HMGXB4: variants seen among roughly 807,000 people sequenced by gnomAD.
HMGXB4 encodes the protein HMG-box containing 4, also known as HMG domain-containing protein 4.
Under a neutral mutation model 63.9 loss-of-function variants are expected in HMGXB4, and 27 were observed. The ratio of observed to expected loss-of-function variants is 0.42; its 90% CI spans 0.31 to 0.58. HMGXB4 has a LOEUF of 0.58. Among genes scored for constraint, HMGXB4 ranks in the 20% least tolerant of loss-of-function variants. HMGXB4 has a pLI of 0.13. For synonymous variants in HMGXB4, 264 were observed against 265.3 expected (o/e 0.99, Z 0.05); for missense variants, 624 against 700.7 (o/e 0.89, Z 1.24).
chr22:35,292,052 TC>T lies in HMGXB4; in HGVS notation c.1639-938del, dbSNP rs764458578. Among the ~76,000 whole-genome samples the T allele has an allele frequency of 3.1e-4, 47 of 152,278 alleles. No individual in the cohort carries two copies. The South Asian group carries it at 5.6e-3, about 18-fold the overall frequency. ...TAGATTTGCATGGGAAGGTTATTCT[TC>T]CTTACAGGAAGTTGAGATGGAGAAA... On this transcript the variant is annotated intron_variant, in intron 9 of 10. Coordinates refer to ENST00000216106, the MANE Select transcript of HMGXB4 (RefSeq NM_001003681.3).
chr22:35,279,489 A>G (rs4254590), intron 5 of HMGXB4, among the ~76,000 whole-genome samples: 75,642 of 151,798 alleles, frequency 0.5, 22,370 homozygotes, highest in Non-Finnish European at 0.65. Flanking sequence ...AATTTTAATG[A>G]ACCCCAGTTT....
upstream of HMGXB4, among the ~76,000 whole-genome samples, chr22:35,255,360 CA>C (rs920047964): frequency 2.6e-5 from 4 of 151,868 alleles, no homozygotes; most frequent in African/African-American, 9.7e-5. Context: ...ACAAAAAATA[CA>C]AAAAGTACCT....
At chr22:35,246,534 A>G in the HMGXB4 span, among the ~76,000 whole-genome samples, 1 of 152,028 alleles carries the variant, frequency 6.6e-6, no homozygotes, top group Non-Finnish European at 1.5e-5. Flanking sequence ...CGGCCTCCCA[A>G]AGTGCTGGGA....
At chr22:35,248,178 A>G in the HMGXB4 span, among the ~76,000 whole-genome samples, 1 of 152,166 alleles carries the variant, frequency 6.6e-6, no homozygotes. Flanking sequence ...AAAATGGTAC[A>G]CCCGTATAGG....
At position 35,275,421 on chromosome 22, in the gene HMGXB4, C is replaced by T. The variant is rs533775559; in HGVS notation, c.1216-8541C>T. Among the ~76,000 whole-genome samples, 4 of 152,174 alleles carry T rather than the reference C, an allele frequency of 2.6e-5. No individual in the cohort carries two copies. In the South Asian group the frequency reaches 8.3e-4, roughly 32 times the overall value. ...AGGCATGAGCTACCATGCCCAGCCA[C>T]CAAATTTCATTTTTTAGAATCATAA... On this transcript the variant is annotated intron_variant, in intron 5 of 10. Coordinates refer to ENST00000216106, the MANE Select transcript of HMGXB4 (RefSeq NM_001003681.3).
intron 1 of HMGXB4, 87 bp from the exon 2 acceptor site, chr22:35,262,236 C>G (rs1040784417): frequency 1.2e-5 from 9 of 737,426 alleles, no homozygotes; most frequent in Admixed American, 2.1e-5. Context: ...CCAGTCAGCC[C>G]TTGGATCACT....
chr22:35,291,609 C>T (rs1193954206), intron 9 of HMGXB4, among the ~76,000 whole-genome samples: 2 of 152,142 alleles, frequency 1.3e-5, no homozygotes, highest in Non-Finnish European at 1.5e-5. Context: ...TAATTACTGA[C>T]ATTTTTGGGG....
chr22:35,286,718 C>T (rs1040577482), intron 7 of HMGXB4, among the ~76,000 whole-genome samples: 4 of 151,930 alleles, frequency 2.6e-5, no homozygotes, highest in South Asian at 2.1e-4. Flanking sequence ...GGCATGGTGG[C>T]GCATGCCCGT....
intron 4 of HMGXB4, chr22:35,264,132 T>C (rs890842250): frequency 1.2e-5 from 16 of 1,327,616 alleles, no homozygotes; most frequent in Admixed American, 4.0e-5. Context: ...CATCCACTTA[T>C]CTTGTGCCCA....
chr22:35,255,042 A>G (rs1568990937), upstream of HMGXB4, among the ~76,000 whole-genome samples: 1 of 152,138 alleles, frequency 6.6e-6, no homozygotes, highest in Non-Finnish European at 1.5e-5. Flanking sequence ...GTCTACCCCA[A>G]CCTAATTTTG....
At chr22:35,248,802 C>A in the HMGXB4 span, among the ~76,000 whole-genome samples, 1 of 29,066 alleles carries the variant, frequency 3.4e-5, no homozygotes, top group Non-Finnish European at 1.9e-4. Flanking sequence ...ATGAAGGATC[C>A]CCCCCCATGA....
At chr22:35,279,577 G>A (rs1924121824) in intron 5 of HMGXB4, among the ~76,000 whole-genome samples, 1 of 151,496 alleles carries the variant, frequency 6.6e-6, no homozygotes, top group Admixed American at 6.6e-5. Flanking sequence ...ATCATCTCCT[G>A]TGTTACTGTC....
Position 35,293,712 on chromosome 22 carries a change from A to G in HMGXB4, c.*61A>G. ...ACCATTGCTGGTTTGTGTATATATG[A>G]CTGTTGCAGATTCCTTCAGTGGCCT... On this transcript the variant is annotated 3_prime_UTR_variant, in exon 11 of 11. Coordinates refer to ENST00000216106, the MANE Select transcript of HMGXB4 (RefSeq NM_001003681.3). The G allele has an allele frequency of 3.9e-6, 5 of 1,295,356 alleles. No individual in the cohort carries two copies. The highest frequency in any genetic ancestry group is 5.6e-6 in the Non-Finnish European group (5 of 896,278). The allele number at this position is 1,295,356 out of a possible 1,614,324, so 80.2% of individuals were successfully genotyped here. A position where few individuals can be genotyped will look rare whatever the true frequency, so the allele number is the denominator to read the frequency against.
chr22:35,278,176 G>A (rs191067665), intron 5 of HMGXB4, among the ~76,000 whole-genome samples: 58 of 152,164 alleles, frequency 3.8e-4, no homozygotes, highest in African/African-American at 1.3e-3. Flanking sequence ...TCCATGGCTC[G>A]ACCCTTTCTT....
At chr22:35,281,641 A>G (rs1924249508) in intron 5 of HMGXB4, among the ~76,000 whole-genome samples, 1 of 152,190 alleles carries the variant, frequency 6.6e-6, no homozygotes, top group Admixed American at 6.5e-5. Context: ...TCTCAAGCAT[A>G]TATACTTTCT....
chr22:35,257,368 C>G (rs1454806470), upstream of HMGXB4: 1 of 152,712 alleles, frequency 6.5e-6, no homozygotes, highest in Admixed American at 6.5e-5. Flanking sequence ...GTGCCAGCTC[C>G]CGCGCTCAGC....
In HMGXB4 at chr22:35,293,756, TTTTTA is replaced by T; in HGVS notation, c.*107_*111del. ...GTGGCCTCTGGCTGTAGGTTTTAAA[TTTTTA>T]TATCTATACATACATATATACATAT... On this transcript the variant is annotated 3_prime_UTR_variant, in exon 11 of 11. Transcript: ENST00000216106. 1 of 718,262 alleles carries T rather than the reference TTTTTA, an allele frequency of 1.4e-6. No homozygotes were observed. Among genetic ancestry groups the T allele is most frequent in the Non-Finnish European group, 2.4e-6 (1 of 409,010 alleles). 44.5% of individuals were successfully genotyped at this position (718,262 alleles called of 1,614,324 possible). A position where few individuals can be genotyped will look rare whatever the true frequency, so the allele number is the denominator to read the frequency against.
intron 1 of HMGXB4, among the ~76,000 whole-genome samples, chr22:35,261,678 A>G (rs1478015368): frequency 6.6e-6 from 1 of 152,216 alleles, no homozygotes; most frequent in Non-Finnish European, 1.5e-5. Context: ...CCTTTAAGAA[A>G]GCCTTGGTGG....
At chr22:35,279,114 TCA>T (rs1404123655) in intron 5 of HMGXB4, among the ~76,000 whole-genome samples, 8 of 148,494 alleles carry the variant, frequency 5.4e-5, no homozygotes, top group East Asian at 2.0e-4. Context: ...AAATATTTTC[TCA>T]CAGTCTATGG....
Sources: allele counts gnomAD v4.1 joint callset (sites outside exome capture counted in the v4.1 genomes callset), GRCh38; gene constraint gnomAD v4.1.1; transcripts MANE v1.5; gene names NCBI Gene and HGNC (gene_info 2026-07-23, HGNC 2026-07-21).